Variants in IL1RAPL1 observed in about 807,000 individuals in gnomAD.
IL1RAPL1 encodes the protein interleukin 1 receptor accessory protein like 1, also known as interleukin-1 receptor accessory protein-like 1.
IL1RAPL1 carries 3 observed loss-of-function variants against 48.4 expected under a neutral mutation model. The ratio of observed to expected loss-of-function variants is 0.06; its 90% CI spans 0.03 to 0.16. The LOEUF (loss-of-function observed/expected upper bound fraction) is 0.16, where lower values mean the gene tolerates loss of function less well. IL1RAPL1 is among the 10% of genes least tolerant of loss of function. The pLI is 1.00. For missense variants in IL1RAPL1, 349 were observed against 530.6 expected (o/e 0.66, Z 3.36); for synonymous variants, 185 against 187.7 (o/e 0.99, Z 0.12).
chrX:29,637,941 A>T (rs971757595), intron 5 of IL1RAPL1, among the ~76,000 whole-genome samples: 1 of 112,086 alleles, frequency 8.9e-6, no homozygotes, highest in Non-Finnish European at 1.9e-5. Flanking sequence ...CAGCGGACCT[A>T]TGTTTGTTTT....
At chrX:29,332,071 T>C (rs1932889436) in intron 3 of IL1RAPL1, among the ~76,000 whole-genome samples, 1 of 105,604 alleles carries the variant, frequency 9.5e-6, no homozygotes, top group Non-Finnish European at 1.9e-5. Context: ...TCACAAATTA[T>C]TTTTGAAAAT....
intron 1 of IL1RAPL1, among the ~76,000 whole-genome samples, chrX:28,669,446 G>A (rs1305494781): frequency 3.7e-5 from 4 of 108,485 alleles, no homozygotes; most frequent in African/African-American, 6.7e-5. Flanking sequence ...TGGTGAAACC[G>A]TGTTTCTACT....
At chrX:28,837,082 T>G (rs928342531) in intron 2 of IL1RAPL1, among the ~76,000 whole-genome samples, 1 of 111,296 alleles carries the variant, frequency 9.0e-6, no homozygotes, top group Non-Finnish European at 1.9e-5. Flanking sequence ...ACAAAACTTA[T>G]ATATATTTAT....
intron 6 of IL1RAPL1, among the ~76,000 whole-genome samples, chrX:29,725,525 G>A (rs1927753325): frequency 9.0e-6 from 1 of 111,035 alleles, no homozygotes; most frequent in East Asian, 2.8e-4. Flanking sequence ...ATCATTCTCT[G>A]GTTCAGTTAG....
intron 3 of IL1RAPL1, among the ~76,000 whole-genome samples, chrX:29,380,677 A>G (rs1391472538): frequency 1.8e-5 from 2 of 112,366 alleles, no homozygotes; most frequent in Non-Finnish European, 3.8e-5. Flanking sequence ...AATAAATGCA[A>G]TATTTACCTT....
At position 29,382,778 on chromosome X, in the gene IL1RAPL1, C is replaced by A. The variant is rs767342505; in HGVS notation, c.363-13480C>A. Among the ~76,000 whole-genome samples, 34 of 111,507 alleles carry A rather than the reference C, an allele frequency of 3.0e-4. No homozygotes were observed. The South Asian group carries it at 0.013, about 42-fold the overall frequency. On this transcript the variant is annotated intron_variant, in intron 3 of 10. Coordinates refer to ENST00000378993, the MANE Select transcript of IL1RAPL1 (RefSeq NM_014271.4). ...CTGTGTCAACTGCAGCTCTTTCAGGCAATACTATGAGACAAGATTAACTGA... is the reference window on the plus strand; with the variant it reads ...CTGTGTCAACTGCAGCTCTTTCAGGAAATACTATGAGACAAGATTAACTGA...
At chrX:29,257,243 C>T (rs1161324379) in intron 2 of IL1RAPL1, among the ~76,000 whole-genome samples, 1 of 111,502 alleles carries the variant, frequency 9.0e-6, no homozygotes, top group East Asian at 2.8e-4. Flanking sequence ...ATAATGTTAG[C>T]ACCAATGTAG....
chrX:29,523,532 T>A (rs1461059276), intron 5 of IL1RAPL1, among the ~76,000 whole-genome samples: 1 of 111,937 alleles, frequency 8.9e-6, no homozygotes, highest in Non-Finnish European at 1.9e-5. Flanking sequence ...ATACTGTTAC[T>A]GAGAAAATTA....
At chrX:29,346,195 C>T (rs1160620523) in intron 3 of IL1RAPL1, among the ~76,000 whole-genome samples, 1 of 112,195 alleles carries the variant, frequency 8.9e-6, no homozygotes, top group Admixed American at 9.5e-5. Flanking sequence ...TCTGGCTAAA[C>T]CTGGATAATC....
At chrX:29,222,256 C>CT (rs1233329457) in intron 2 of IL1RAPL1, among the ~76,000 whole-genome samples, 1 of 111,725 alleles carries the variant, frequency 9.0e-6, no homozygotes, top group African/African-American at 3.3e-5. Context: ...AAAATTAACA[C>CT]TTATTGTGAG....
At chrX:29,484,293 G>A (rs1935073564) in intron 5 of IL1RAPL1, among the ~76,000 whole-genome samples, 2 of 111,194 alleles carry the variant, frequency 1.8e-5, no homozygotes, top group Admixed American at 9.6e-5. Context: ...TATGTCGAAG[G>A]GTATCACATG....
intron 5 of IL1RAPL1, among the ~76,000 whole-genome samples, chrX:29,602,082 C>G (rs890821935): frequency 9.0e-6 from 1 of 111,372 alleles, no homozygotes; most frequent in African/African-American, 3.3e-5. Context: ...CTCCCAGGTT[C>G]AAGCGATTCT....
chrX:29,789,747 T>C (rs1388257229), intron 6 of IL1RAPL1, among the ~76,000 whole-genome samples: 2 of 107,557 alleles, frequency 1.9e-5, no homozygotes, highest in Non-Finnish European at 3.8e-5. Context: ...AAAAATCTCC[T>C]TTCATTTACT....
intron 1 of IL1RAPL1, among the ~76,000 whole-genome samples, chrX:28,750,277 T>G (rs1027877861): frequency 8.9e-6 from 1 of 111,901 alleles, no homozygotes; most frequent in Non-Finnish European, 1.9e-5. Context: ...TTTAAATTTT[T>G]GGATTTTTAG....
At chrX:29,333,634 C>T (rs1932920399) in intron 3 of IL1RAPL1, among the ~76,000 whole-genome samples, 1 of 82,686 alleles carries the variant, frequency 1.2e-5, no homozygotes, top group African/African-American at 5.0e-5. Context: ...CAGAGGGGCT[C>T]CTCACTTCCC....
intron 1 of IL1RAPL1, among the ~76,000 whole-genome samples, chrX:28,751,996 T>A (rs909298327): frequency 6.3e-5 from 7 of 111,986 alleles, no homozygotes; most frequent in Non-Finnish European, 1.3e-4. Context: ...CTTGTGATGG[T>A]TTTAACAATT....
chrX:28,722,032 G>A (rs1425015300), intron 1 of IL1RAPL1, among the ~76,000 whole-genome samples: 3 of 111,521 alleles, frequency 2.7e-5, no homozygotes, highest in Admixed American at 9.6e-5. Context: ...GTAGCATGAT[G>A]CCTCCAGCTT....
At chrX:28,618,328 A>G (rs761175122) in intron 1 of IL1RAPL1, among the ~76,000 whole-genome samples, 6 of 112,527 alleles carry the variant, frequency 5.3e-5, no homozygotes, top group Non-Finnish European at 1.1e-4. Context: ...CTGAAGCAAT[A>G]TGGTACTCTT....
chrX:28,924,000 C>A lies in IL1RAPL1; in HGVS notation c.82+134575C>A, dbSNP rs898481321. 5 of 110,934 alleles carry A rather than the reference C, an allele frequency of 4.5e-5. No individual in the cohort carries two copies. The South Asian group carries it at 1.1e-3, about 25-fold the overall frequency. The allele number at this position is 110,934 out of a possible 1,213,427, so 9.1% of individuals were successfully genotyped here. On this transcript the variant is annotated intron_variant, in intron 2 of 10. Coordinates refer to ENST00000378993, the MANE Select transcript of IL1RAPL1 (RefSeq NM_014271.4). ...TTTTGGGGGTTAGACCTGTAGCTAC[C>A]CATGGTATCTTCTTTCAGTGGCTCA...
Sources: allele counts gnomAD v4.1 joint callset (sites outside exome capture counted in the v4.1 genomes callset), GRCh38; gene constraint gnomAD v4.1.1; transcripts MANE v1.5; gene names NCBI Gene and HGNC (gene_info 2026-07-23, HGNC 2026-07-21).